The following TMEM181 variants were observed in gnomAD, a reference collection of about 807,000 sequenced individuals.
TMEM181 encodes G protein-coupled receptor 178.
Under a neutral mutation model 71.9 loss-of-function variants are expected in TMEM181, and 39 were observed. That is an observed-to-expected ratio of 0.54 (90% CI 0.42 to 0.71). TMEM181 has a LOEUF of 0.71. Ranked by LOEUF, TMEM181 falls within the 30% of genes least tolerant of loss-of-function variation. The pLI is 0.00. For missense variants in TMEM181, 595 were observed against 583.0 expected (o/e 1.02, Z -0.21); for synonymous variants, 245 against 228.8 (o/e 1.07, Z -0.64).
intron 10 of TMEM181, among the ~76,000 whole-genome samples, chr6:158,617,622 T>C (rs1785692855): frequency 6.6e-6 from 1 of 152,250 alleles, no homozygotes; most frequent in African/African-American, 2.4e-5. Flanking sequence ...TTTAGTGCTA[T>C]AAATTTTCCT....
At chr6:158,588,626 CT>C (rs1232310771) in intron 5 of TMEM181, among the ~76,000 whole-genome samples, 1 of 151,992 alleles carries the variant, frequency 6.6e-6, no homozygotes, top group Non-Finnish European at 1.5e-5. Flanking sequence ...ATTTTTGGTA[CT>C]TTTAGTGGAG....
chr6:158,544,022 T>C (rs1781441047), intron 1 of TMEM181, among the ~76,000 whole-genome samples: 1 of 152,150 alleles, frequency 6.6e-6, no homozygotes, highest in East Asian at 1.9e-4. Flanking sequence ...GCACATCTTA[T>C]AGGATGATCT....
intron 10 of TMEM181, chr6:158,610,344 T>A (rs1785226090): frequency 6.9e-6 from 2 of 288,906 alleles, no homozygotes; most frequent in Admixed American, 7.7e-5. Flanking sequence ...GCTCCCCCCG[T>A]AGGCAATTTG....
chr6:158,606,330 G>C (rs956964011), intron 7 of TMEM181, among the ~76,000 whole-genome samples: 5 of 152,326 alleles, frequency 3.3e-5, no homozygotes, highest in Admixed American at 6.5e-5. Flanking sequence ...CCCAGCCCAG[G>C]GCCTCCAGGA....
In TMEM181 at chr6:158,635,182, A is replaced by AGTTTTT. The variant is rs1786889801; in HGVS notation, c.*3294_*3295insGTTTTT. 6.6e-6 allele frequency: 1 copy of AGTTTTT among 152,224 alleles called. No individual in the cohort carries two copies. The highest frequency in any genetic ancestry group is 1.5e-5 in the Non-Finnish European group (1 of 68,036). The allele number at this position is 152,224 out of a possible 1,614,324, so 9.4% of individuals were successfully genotyped here. Reference sequence around the variant, plus strand: ...AAAACAGAAGAATTTTCTGCTACTAAAAACTGCCTTTTTACAAAATGACTG... The same window carrying AGTTTTT: ...AAAACAGAAGAATTTTCTGCTACTAAGTTTTTAAACTGCCTTTTTACAAAATGACTG... On this transcript the variant is annotated 3_prime_UTR_variant, in exon 17 of 17. Coordinates refer to ENST00000684151, the MANE Select transcript of TMEM181 (RefSeq NM_001376852.1).
intron 1 of TMEM181, among the ~76,000 whole-genome samples, chr6:158,563,522 G>A (rs565106047): frequency 6.6e-6 from 1 of 152,336 alleles, no homozygotes; most frequent in South Asian, 2.1e-4. Context: ...CTGGCCCCCA[G>A]CCCAGGTTCC....
At chr6:158,631,696 A>G (rs1786673397) in intron 16 of TMEM181, 114 bp from the exon 17 acceptor site, 3 of 1,247,898 alleles carry the variant, frequency 2.4e-6, no homozygotes, top group South Asian at 1.4e-5. Flanking sequence ...GGTGATAGAA[A>G]ATTGAAAGAG....
At chr6:158,547,547 C>T (rs893249305) in intron 1 of TMEM181, among the ~76,000 whole-genome samples, 1 of 152,224 alleles carries the variant, frequency 6.6e-6, no homozygotes, top group South Asian at 2.1e-4. Context: ...ACCAGGCAGG[C>T]GCTCTTGGAA....
At chr6:158,603,237 G>A (rs186662902) in intron 6 of TMEM181, among the ~76,000 whole-genome samples, 23 of 152,284 alleles carry the variant, frequency 1.5e-4, no homozygotes, top group Admixed American at 1.3e-3. Flanking sequence ...TTTTGGCATC[G>A]GGGACTGGTT....
intron 1 of TMEM181, among the ~76,000 whole-genome samples, chr6:158,537,080 T>G (rs1226660656): frequency 1.3e-5 from 2 of 151,684 alleles, no homozygotes; most frequent in Admixed American, 6.6e-5. Context: ...GGCGGGCAGG[T>G]TCCTGGATTC....
At chr6:158,572,235 G>A (rs138676355) in intron 1 of TMEM181, among the ~76,000 whole-genome samples, 347 of 152,346 alleles carry the variant, frequency 2.3e-3, no homozygotes, top group Non-Finnish European at 3.9e-3. Flanking sequence ...CGTGTGCTGC[G>A]GGGATGTGGG....
chr6:158,599,160 G>A (rs1279699719), intron 6 of TMEM181, among the ~76,000 whole-genome samples: 1 of 152,176 alleles, frequency 6.6e-6, no homozygotes, highest in Non-Finnish European at 1.5e-5. Flanking sequence ...GCTCCTGGAG[G>A]CCTTTTACTG....
chr6:158,564,273 G>A (rs900958996), intron 1 of TMEM181, among the ~76,000 whole-genome samples: 10 of 152,268 alleles, frequency 6.6e-5, no homozygotes, highest in Non-Finnish European at 7.4e-5. Flanking sequence ...TTTCTGCCCC[G>A]ACCTCCACAT....
intron 1 of TMEM181, among the ~76,000 whole-genome samples, chr6:158,544,182 A>AGAGAGAGAGTGTGT (rs149735409): frequency 2.0e-4 from 25 of 127,638 alleles, no homozygotes; most frequent in South Asian, 5.3e-4. Context: ...AATTGGAGAG[A>AGAGAGAGAGTGTGT]GTGTGTGTGT....
chr6:158,544,039 C>A (rs1328604394), intron 1 of TMEM181, among the ~76,000 whole-genome samples: 2 of 152,250 alleles, frequency 1.3e-5, no homozygotes, highest in Non-Finnish European at 1.5e-5. Context: ...ATCTCAGATC[C>A]CTCCTGGCTC....
At position 158,612,379 on chromosome 6, in the gene TMEM181, A is replaced by G. The variant is rs565130639; in HGVS notation, c.896+3629A>G. On this transcript the variant is annotated intron_variant, in intron 10 of 16. Transcript: ENST00000684151. ...ACTTCCTGCTGGGTGGGAGAGGTAGAGAGTCCCTTGGTCTCGGATTGACTG... is the reference window on the plus strand; with the variant it reads ...ACTTCCTGCTGGGTGGGAGAGGTAGGGAGTCCCTTGGTCTCGGATTGACTG... Among the ~76,000 whole-genome samples the G allele has an allele frequency of 5.3e-4, 80 of 152,334 alleles. No homozygotes were observed. In the South Asian group the frequency reaches 0.015, roughly 29 times the overall value.
intron 1 of TMEM181, among the ~76,000 whole-genome samples, chr6:158,567,465 A>C (rs920173697): frequency 2.0e-5 from 3 of 152,246 alleles, no homozygotes; most frequent in Non-Finnish European, 4.4e-5. Flanking sequence ...TGTGTAGTGC[A>C]GACTGCATCT....
chr6:158,625,300 C>A, intron 12 of TMEM181, 94 bp downstream of exon 12: 2 of 1,093,064 alleles, frequency 1.8e-6, no homozygotes, highest in Non-Finnish European at 2.8e-6. Context: ...AGGGGCCTTC[C>A]TTGAGGGCCC....
chr6:158,624,780 C>T (rs1309134431), intron 11 of TMEM181, among the ~76,000 whole-genome samples: 1 of 152,186 alleles, frequency 6.6e-6, no homozygotes, highest in East Asian at 1.9e-4. Context: ...CAGCCCCTCG[C>T]CCCCAGGGGC....
Sources: gnomAD v4.1 joint callset for allele counts (sites outside exome capture counted in the v4.1 genomes callset) on GRCh38, gnomAD v4.1.1 for gene constraint, MANE v1.5 for transcripts, NCBI Gene and HGNC (gene_info 2026-07-23, HGNC 2026-07-21) for gene names.